The following UTRN variants were observed in gnomAD, a reference collection of about 807,000 sequenced individuals.
UTRN encodes the protein dystrophin-related protein 1.
UTRN carries 283 observed loss-of-function variants against 463.9 expected under a neutral mutation model. The ratio of observed to expected loss-of-function variants is 0.61; its 90% CI spans 0.55 to 0.67. UTRN has a LOEUF of 0.67. UTRN is among the 30% of genes least tolerant of loss of function. UTRN has a pLI of 0.00. For synonymous variants in UTRN, 1,442 were observed against 1,431.5 expected (o/e 1.01, Z -0.17); for missense variants, 3,922 against 4,084.3 (o/e 0.96, Z 1.08).
intron 54 of UTRN, among the ~76,000 whole-genome samples, chr6:144,732,295 T>TATAC (rs71028306): frequency 2.5e-5 from 3 of 119,014 alleles, no homozygotes; most frequent in African/African-American, 9.3e-5. Flanking sequence ...TATATATATA[T>TATAC]ACACATATAT....
intron 41 of UTRN, among the ~76,000 whole-genome samples, chr6:144,529,195 C>T (rs1585136735): frequency 6.6e-6 from 1 of 152,210 alleles, no homozygotes; most frequent in African/African-American, 2.4e-5. Context: ...GGCCCAACAG[C>T]ATTGGGTTTA....
chr6:144,407,188 C>A (rs1177855970), intron 3 of UTRN, among the ~76,000 whole-genome samples: 1 of 152,062 alleles, frequency 6.6e-6, no homozygotes, highest in Admixed American at 6.5e-5. Context: ...TCTGTGGGTG[C>A]AGGGACTTTC....
chr6:144,850,646 C>T (rs77835113), intron 74 of UTRN, among the ~76,000 whole-genome samples: 148 of 152,222 alleles, frequency 9.7e-4, no homozygotes, highest in African/African-American at 3.4e-3. Context: ...TACAGATGAC[C>T]TCCCACAGTC....
intron 51 of UTRN, among the ~76,000 whole-genome samples, chr6:144,583,980 A>C (rs1802221979): frequency 6.6e-6 from 1 of 152,218 alleles, no homozygotes; most frequent in African/African-American, 2.4e-5. Context: ...AAGAGTGCCA[A>C]ATAATCTTTC....
chr6:144,635,281 G>T (rs773995566), intron 51 of UTRN, among the ~76,000 whole-genome samples: 9 of 151,214 alleles, frequency 6.0e-5, no homozygotes, highest in Non-Finnish European at 1.2e-4. Flanking sequence ...CTACTAAGTA[G>T]CTGGGACCAC....
At chr6:144,638,902 G>A (rs561227121) in intron 51 of UTRN, among the ~76,000 whole-genome samples, 5 of 151,832 alleles carry the variant, frequency 3.3e-5, no homozygotes, top group Non-Finnish European at 5.9e-5. Context: ...ACGAGACCCC[G>A]ATCTCTAAGA....
chr6:144,612,646 A>T (rs1585564153), intron 51 of UTRN, among the ~76,000 whole-genome samples: 1 of 152,116 alleles, frequency 6.6e-6, no homozygotes, highest in Non-Finnish European at 1.5e-5. Flanking sequence ...CAAAACCACA[A>T]TGAGATATTA....
At chr6:144,774,238 A>G (rs1461901889) in intron 59 of UTRN, 52 bp from the exon 60 acceptor site, 4 of 1,482,160 alleles carry the variant, frequency 2.7e-6, no homozygotes, top group South Asian at 2.5e-5. Flanking sequence ...TGGGCATTCA[A>G]TATATATTCA....
chr6:144,798,348 C>T (rs1777413525), intron 64 of UTRN, among the ~76,000 whole-genome samples: 1 of 152,102 alleles, frequency 6.6e-6, no homozygotes, highest in Admixed American at 6.5e-5. Flanking sequence ...GTCTTGGGGT[C>T]AAACTTAGTA....
chr6:144,755,962 C>G (rs1452045345), intron 57 of UTRN, among the ~76,000 whole-genome samples: 2 of 152,042 alleles, frequency 1.3e-5, no homozygotes, highest in Non-Finnish European at 2.9e-5. Flanking sequence ...CTCTCTACCT[C>G]TCACCCTCCT....
intron 3 of UTRN, among the ~76,000 whole-genome samples, chr6:144,417,007 T>G (rs1022466588): frequency 6.6e-6 from 1 of 152,204 alleles, no homozygotes; most frequent in Non-Finnish European, 1.5e-5. Context: ...TGAATCAGTT[T>G]TTATTTTTAT....
At chr6:144,691,802 T>C (rs1347105336) in intron 52 of UTRN, among the ~76,000 whole-genome samples, 1 of 152,236 alleles carries the variant, frequency 6.6e-6, no homozygotes, top group East Asian at 1.9e-4. Flanking sequence ...ATTGGCATTG[T>C]GATTTGCAAT....
At chr6:144,693,872 G>A (rs1300543289) in intron 52 of UTRN, among the ~76,000 whole-genome samples, 1 of 152,074 alleles carries the variant, frequency 6.6e-6, no homozygotes, top group Non-Finnish European at 1.5e-5. Context: ...TTTCTATTTG[G>A]TAGCCCTTTA....
intron 43 of UTRN, among the ~76,000 whole-genome samples, chr6:144,536,009 G>C (rs996924003): frequency 6.6e-6 from 1 of 152,124 alleles, no homozygotes; most frequent in African/African-American, 2.4e-5. Flanking sequence ...CGAACTCCTA[G>C]GCTCAAGTGA....
At chr6:144,497,504 G>A (rs13211138) in intron 33 of UTRN, among the ~76,000 whole-genome samples, 20,987 of 138,068 alleles carry the variant, frequency 0.15, 1,824 homozygotes, top group Middle Eastern at 0.34. Flanking sequence ...GCAAAAACCC[G>A]TCTCTACTCA....
At chr6:144,315,941 A>C (rs1289015198) in intron 2 of UTRN, among the ~76,000 whole-genome samples, 1 of 152,170 alleles carries the variant, frequency 6.6e-6, no homozygotes, top group Non-Finnish European at 1.5e-5. Context: ...TGCTATCTGG[A>C]CAGGACTGTT....
At chr6:144,447,552 A>G in intron 15 of UTRN, 50 bp from the exon 16 acceptor site, 1 of 1,591,844 alleles carries the variant, frequency 6.3e-7, no homozygotes, top group Non-Finnish European at 8.5e-7. Context: ...GGGAACAGAA[A>G]GACAAAGTCC....
At chr6:144,711,402 A>G (rs1194867340) in intron 53 of UTRN, among the ~76,000 whole-genome samples, 2 of 152,160 alleles carry the variant, frequency 1.3e-5, no homozygotes, top group African/African-American at 4.8e-5. Flanking sequence ...CCATCTAATG[A>G]CTTCAATCGA....
chr6:144,421,379 A>G (rs1784814374), intron 3 of UTRN, among the ~76,000 whole-genome samples: 1 of 152,114 alleles, frequency 6.6e-6, no homozygotes, highest in Non-Finnish European at 1.5e-5. Context: ...CTGTATTTGT[A>G]CTTGTTCTTT....
Sources: allele counts gnomAD v4.1 joint callset (sites outside exome capture counted in the v4.1 genomes callset), GRCh38; gene constraint gnomAD v4.1.1; transcripts MANE v1.5; gene names NCBI Gene and HGNC (gene_info 2026-07-23, HGNC 2026-07-21).